SDK1: variants seen among roughly 807,000 people sequenced by gnomAD.
The protein encoded by SDK1 is protein sidekick-1.
Under a neutral mutation model 245.5 loss-of-function variants are expected in SDK1, and 157 were observed. The ratio of observed to expected loss-of-function variants is 0.64; its 90% CI spans 0.56 to 0.73. The LOEUF (loss-of-function observed/expected upper bound fraction) is 0.73, where lower values mean the gene tolerates loss of function less well. Among genes scored for constraint, SDK1 ranks in the 30% least tolerant of loss-of-function variants. SDK1 has a pLI of 0.00. For missense variants in SDK1, 3,583 were observed against 3,002.3 expected (o/e 1.19, Z -4.52); for synonymous variants, 1,647 against 1,278.5 (o/e 1.29, Z -6.15).
At chr7:3,689,904 A>G (rs1454800453) in intron 4 of SDK1, among the ~76,000 whole-genome samples, 1 of 152,254 alleles carries the variant, frequency 6.6e-6, no homozygotes, top group Non-Finnish European at 1.5e-5. Flanking sequence ...CAGCCAGAAC[A>G]TGTGTGTCTA....
At chr7:3,805,128 G>A (rs751782838) in intron 4 of SDK1, among the ~76,000 whole-genome samples, 1 of 152,176 alleles carries the variant, frequency 6.6e-6, no homozygotes. Flanking sequence ...GACACCATAA[G>A]TACATACAAT....
intron 44 of SDK1, among the ~76,000 whole-genome samples, chr7:4,252,896 C>T (rs4723539): frequency 0.22 from 32,747 of 146,868 alleles, 3,917 homozygotes; most frequent in Non-Finnish European, 0.27. Context: ...TTTAATGCTA[C>T]CTCATTAATC....
chr7:3,996,588 G>A (rs1489296807), intron 14 of SDK1, among the ~76,000 whole-genome samples: 1 of 152,116 alleles, frequency 6.6e-6, no homozygotes, highest in East Asian at 1.9e-4. Flanking sequence ...GTTGTCCTGA[G>A]ATTTTGACTC....
At chr7:3,463,702 G>T in intron 1 of SDK1, among the ~76,000 whole-genome samples, 1 of 152,184 alleles carries the variant, frequency 6.6e-6, no homozygotes, top group East Asian at 1.9e-4. Flanking sequence ...TAGGCCTTGT[G>T]AGGAGCCTCA....
chr7:3,670,271 G>C (rs762556638), intron 4 of SDK1, among the ~76,000 whole-genome samples: 77 of 152,220 alleles, frequency 5.1e-4, no homozygotes, highest in Non-Finnish European at 9.1e-4. Context: ...ATAAACAGCA[G>C]GGTTTGTGTA....
intron 7 of SDK1, 117 bp from the exon 8 acceptor site, chr7:3,958,814 C>T: frequency 1.2e-6 from 1 of 814,682 alleles, no homozygotes; most frequent in Non-Finnish European, 2.0e-6. Flanking sequence ...ACGATGCTAA[C>T]TAATGATGAA....
chr7:3,582,361 C>G (rs1780530178), intron 1 of SDK1, among the ~76,000 whole-genome samples: 1 of 149,584 alleles, frequency 6.7e-6, no homozygotes, highest in Admixed American at 6.6e-5. Flanking sequence ...TCAGGTAGGT[C>G]TGTCTCAGGT....
At chr7:4,072,804 C>T (rs376755353) in intron 20 of SDK1, among the ~76,000 whole-genome samples, 51 of 152,270 alleles carry the variant, frequency 3.3e-4, no homozygotes, top group African/African-American at 1.1e-3. Flanking sequence ...CTGTTGGAAA[C>T]GTAGGTTTAT....
intron 28 of SDK1, among the ~76,000 whole-genome samples, chr7:4,140,544 AATC>A (rs2128204737): frequency 6.6e-6 from 1 of 151,630 alleles, no homozygotes; most frequent in East Asian, 1.9e-4. Flanking sequence ...CCTTTTCTTT[AATC>A]ATCAGAATCC....
chr7:3,971,477 A>G lies in SDK1; in HGVS notation c.1726A>G (p.Ile576Val), dbSNP rs1299057307. 6.2e-6 allele frequency: 10 copies of G among 1,611,958 alleles called. No individual in the cohort carries two copies. The highest frequency in any genetic ancestry group is 1.7e-5 in the Admixed American group (1 of 59,908). The change falls in exon 12 of 45, where the codon ATC becomes GTC. Residue 576 changes from isoleucine (I) to valine (V), a missense_variant. By Grantham distance (29) the Ile-to-Val change is conservative (BLOSUM62 3). Coordinates refer to ENST00000404826, the MANE Select transcript of SDK1 (RefSeq NM_152744.4). ...TGTGTTTTTTTCAGATCGGACGTCCATCGTCCACCCTCCTGAGGACCACGT... is the reference window on the plus strand; with the variant it reads ...TGTGTTTTTTTCAGATCGGACGTCCGTCGTCCACCCTCCTGAGGACCACGT... The part of the protein sequence containing the change: ...ATLTVWNRTS[I>V]VHPPEDHVVI...
intron 5 of SDK1, among the ~76,000 whole-genome samples, chr7:3,914,472 C>G (rs776615036): frequency 3.9e-5 from 6 of 152,194 alleles, no homozygotes; most frequent in Admixed American, 6.6e-5. Flanking sequence ...AGATTAACGG[C>G]TTAGAGGGTT....
intron 19 of SDK1, among the ~76,000 whole-genome samples, chr7:4,053,653 C>T (rs1401393998): frequency 1.3e-5 from 2 of 152,090 alleles, no homozygotes; most frequent in African/African-American, 2.4e-5. Context: ...GCCTAGCTTT[C>T]TCCTTGCCAC....
chr7:3,759,690 C>T (rs1780037078), intron 4 of SDK1, among the ~76,000 whole-genome samples: 13 of 151,914 alleles, frequency 8.6e-5, no homozygotes, highest in Admixed American at 8.5e-4. Context: ...CTCCCGGGTT[C>T]AGGCGATTCT....
intron 1 of SDK1, among the ~76,000 whole-genome samples, chr7:3,392,934 A>G (rs1419800983): frequency 6.8e-6 from 1 of 146,446 alleles, no homozygotes; most frequent in African/African-American, 2.5e-5. Context: ...ATTGGCTTAC[A>G]GGTATCTGTT....
intron 1 of SDK1, among the ~76,000 whole-genome samples, chr7:3,571,091 T>C (rs925398313): frequency 1.3e-5 from 2 of 152,084 alleles, no homozygotes; most frequent in Non-Finnish European, 1.5e-5. Flanking sequence ...TTTTTAAAAT[T>C]TGACTTTAGT....
intron 5 of SDK1, among the ~76,000 whole-genome samples, chr7:3,913,163 G>A (rs1779238894): frequency 6.6e-6 from 1 of 152,212 alleles, no homozygotes; most frequent in Non-Finnish European, 1.5e-5. Context: ...GAAGCCTTCA[G>A]GGCATCGGTA....
chr7:3,670,383 C>T (rs554260796), intron 4 of SDK1, among the ~76,000 whole-genome samples: 1 of 152,158 alleles, frequency 6.6e-6, no homozygotes, highest in Non-Finnish European at 1.5e-5. Context: ...TCTTAGTTTC[C>T]CGGATCAGAT....
At chr7:3,892,801 G>A (rs958575522) in intron 5 of SDK1, among the ~76,000 whole-genome samples, 32 of 152,166 alleles carry the variant, frequency 2.1e-4, no homozygotes, top group African/African-American at 6.5e-4. Flanking sequence ...GAGGCAGTCC[G>A]GAAAGCTGAG....
At chr7:3,705,972 A>G (rs1298532629) in intron 4 of SDK1, among the ~76,000 whole-genome samples, 3 of 152,212 alleles carry the variant, frequency 2.0e-5, no homozygotes, top group African/African-American at 7.2e-5. Flanking sequence ...GGTTTTTATA[A>G]TAAAGGGATG....
Sources: allele counts gnomAD v4.1 joint callset (sites outside exome capture counted in the v4.1 genomes callset), GRCh38; gene constraint gnomAD v4.1.1; transcripts MANE v1.5; gene names NCBI Gene and HGNC (gene_info 2026-07-23, HGNC 2026-07-21).